Variants in OPCML observed in about 807,000 individuals in gnomAD.
OPCML encodes opioid binding protein/cell adhesion molecule like.
A neutral mutation model predicts 37.8 loss-of-function variants in OPCML; 13 were observed. That is an observed-to-expected ratio of 0.34 (90% CI 0.22 to 0.55). The LOEUF is 0.55. Ranked by LOEUF, OPCML falls within the 20% of genes least tolerant of loss-of-function variation. OPCML has a pLI of 0.91. For missense variants in OPCML, 341 were observed against 435.6 expected (o/e 0.78, Z 1.93); for synonymous variants, 176 against 168.8 (o/e 1.04, Z -0.33).
chr11:133,196,201 C>T (rs1938530902), intron 1 of OPCML, among the ~76,000 whole-genome samples: 1 of 152,182 alleles, frequency 6.6e-6, no homozygotes, highest in Non-Finnish European at 1.5e-5. Context: ...CTGCACCAAA[C>T]CAGGTGTGGA....
chr11:132,619,535 C>G (rs1397845979), intron 3 of OPCML, among the ~76,000 whole-genome samples: 2 of 151,902 alleles, frequency 1.3e-5, no homozygotes, highest in Non-Finnish European at 2.9e-5. Context: ...AGCATGAAAG[C>G]ATTGGTAAAA....
At chr11:133,395,669 C>A (rs74817886) in intron 1 of OPCML, among the ~76,000 whole-genome samples, 15,360 of 152,126 alleles carry the variant, frequency 0.1, 857 homozygotes, top group East Asian at 0.14. Context: ...ATTCTTGTCA[C>A]CTTTGTCAAA....
At chr11:132,878,631 C>A (rs552408700) in intron 2 of OPCML, among the ~76,000 whole-genome samples, 1 of 152,124 alleles carries the variant, frequency 6.6e-6, no homozygotes, top group South Asian at 2.1e-4. Flanking sequence ...GTATGTAAAT[C>A]AACATATGTA....
At chr11:133,420,511 G>C (rs1945865007) in intron 1 of OPCML, 1 of 982,942 alleles carries the variant, frequency 1.0e-6, no homozygotes, top group African/African-American at 1.8e-5. Flanking sequence ...GGCCTCATTG[G>C]TGTTAACAAC....
chr11:132,717,942 G>A (rs932554854), intron 2 of OPCML, among the ~76,000 whole-genome samples: 1 of 152,246 alleles, frequency 6.6e-6, no homozygotes, highest in Non-Finnish European at 1.5e-5. Flanking sequence ...AGATGGCCCT[G>A]CAACCATCAC....
intron 1 of OPCML, among the ~76,000 whole-genome samples, chr11:133,445,990 G>C (rs193109723): frequency 1.3e-5 from 2 of 152,082 alleles, no homozygotes; most frequent in East Asian, 3.9e-4. Context: ...TCTAAAAGGG[G>C]GTCAAAAATA....
At chr11:132,447,013 G>A (rs890784354) in intron 4 of OPCML, among the ~76,000 whole-genome samples, 2 of 152,110 alleles carry the variant, frequency 1.3e-5, no homozygotes, top group African/African-American at 2.4e-5. Flanking sequence ...TGGCAAAGTG[G>A]CTTCTTGAGC....
At chr11:132,479,026 G>A (rs1229999864) in intron 4 of OPCML, among the ~76,000 whole-genome samples, 2 of 152,126 alleles carry the variant, frequency 1.3e-5, no homozygotes, top group African/African-American at 4.8e-5. Flanking sequence ...TTAATAGGGA[G>A]AGGAGCCAAG....
intron 1 of OPCML, among the ~76,000 whole-genome samples, chr11:133,100,225 G>A (rs887533398): frequency 3.3e-5 from 5 of 152,014 alleles, no homozygotes; most frequent in Admixed American, 2.0e-4. Context: ...TACCATGCTC[G>A]CTACCTGCAT....
chr11:133,261,980 C>G (rs1300018274), intron 1 of OPCML, among the ~76,000 whole-genome samples: 3 of 152,138 alleles, frequency 2.0e-5, no homozygotes, highest in African/African-American at 7.2e-5. Context: ...TCCTGTCCTG[C>G]CCTGCCGTGG....
At chr11:132,503,076 C>T (rs1313586686) in intron 4 of OPCML, among the ~76,000 whole-genome samples, 1 of 152,076 alleles carries the variant, frequency 6.6e-6, no homozygotes, top group African/African-American at 2.4e-5. Flanking sequence ...GGGTCTTCCC[C>T]CGCTATTCTA....
chr11:133,510,235 G>T (rs2120615273), intron 1 of OPCML, among the ~76,000 whole-genome samples: 1 of 152,314 alleles, frequency 6.6e-6, no homozygotes, highest in South Asian at 2.1e-4. Context: ...GCTGAGAAGA[G>T]CTGCTATCAG....
intron 2 of OPCML, among the ~76,000 whole-genome samples, chr11:132,668,029 A>C (rs1265073795): frequency 6.6e-6 from 1 of 152,232 alleles, no homozygotes; most frequent in Non-Finnish European, 1.5e-5. Flanking sequence ...ATTGAATAAA[A>C]ATAGTGAAGA....
intron 2 of OPCML, among the ~76,000 whole-genome samples, chr11:132,718,240 C>G (rs943888446): frequency 4.6e-5 from 7 of 152,114 alleles, no homozygotes; most frequent in African/African-American, 1.7e-4. Flanking sequence ...GTGGAGCAGA[C>G]GTGATTTAAA....
intron 1 of OPCML, among the ~76,000 whole-genome samples, chr11:133,283,702 A>G (rs1273591575): frequency 6.6e-6 from 1 of 152,136 alleles, no homozygotes; most frequent in African/African-American, 2.4e-5. Context: ...CCCAAACCAC[A>G]AGGTAACTCC....
chr11:133,441,979 G>A (rs975057937), intron 1 of OPCML, among the ~76,000 whole-genome samples: 7 of 152,074 alleles, frequency 4.6e-5, no homozygotes, highest in Admixed American at 6.6e-5. Context: ...TTAATAAAAT[G>A]CTAATAATAA....
intron 2 of OPCML, among the ~76,000 whole-genome samples, chr11:132,936,451 G>T (rs1945377195): frequency 1.3e-5 from 2 of 152,242 alleles, no homozygotes; most frequent in South Asian, 4.1e-4. Flanking sequence ...GACATGTTAG[G>T]TAATTAATGT....
chr11:133,027,298 T>C (rs1314985241), intron 1 of OPCML, among the ~76,000 whole-genome samples: 1 of 152,234 alleles, frequency 6.6e-6, no homozygotes, highest in Non-Finnish European at 1.5e-5. Flanking sequence ...GGGGTTACTA[T>C]GAAATAATTT....
At position 132,457,940 on chromosome 11, in the gene OPCML, G is replaced by A. The variant is rs141602187; in HGVS notation, c.506-20581C>T. On this transcript the variant is annotated intron_variant, in intron 4 of 7. Coordinates refer to ENST00000524381, the MANE Select transcript of OPCML (RefSeq NM_001012393.5). ...GAAAAGGACAGGCAAAGTGTCTGCC[G>A]TGGAAGAGCTTAGATTCCAGAGAGG... Among the ~76,000 whole-genome samples, 968 of 152,346 alleles carry A rather than the reference G, an allele frequency of 6.4e-3. 4 individuals carry two copies. Among genetic ancestry groups the A allele is most frequent in the South Asian group, 0.012 (59 of 4,826 alleles).
Sources: gnomAD v4.1 joint callset for allele counts (sites outside exome capture counted in the v4.1 genomes callset) on GRCh38, gnomAD v4.1.1 for gene constraint, MANE v1.5 for transcripts, NCBI Gene and HGNC (gene_info 2026-07-23, HGNC 2026-07-21) for gene names.